Variants in TBC1D5 observed in about 807,000 individuals in gnomAD.
TBC1D5 encodes TBC1 domain family, member 5.
A neutral mutation model predicts 100.3 loss-of-function variants in TBC1D5; 75 were observed. The observed-to-expected ratio is 0.75, with a 90% CI of 0.62 to 0.91. The LOEUF (loss-of-function observed/expected upper bound fraction) is 0.91, where lower values mean the gene tolerates loss of function less well. Ranked by LOEUF, TBC1D5 falls within the 40% of genes least tolerant of loss-of-function variation. TBC1D5 has a pLI of 0.00. For missense variants in TBC1D5, 910 were observed against 942.4 expected (o/e 0.97, Z 0.45); for synonymous variants, 323 against 325.6 (o/e 0.99, Z 0.09).
chr3:17,401,511 G>A (rs764391331), intron 8 of TBC1D5, among the ~76,000 whole-genome samples: 3 of 151,880 alleles, frequency 2.0e-5, no homozygotes, highest in East Asian at 1.9e-4. Flanking sequence ...TTCGAACTAC[G>A]TAACTAAAAT....
At chr3:17,304,076 C>A (rs1401298868) in intron 14 of TBC1D5, among the ~76,000 whole-genome samples, 4 of 152,130 alleles carry the variant, frequency 2.6e-5, no homozygotes, top group African/African-American at 9.7e-5. Flanking sequence ...CACTTATGAA[C>A]TGGATTACTT....
intron 1 of TBC1D5, among the ~76,000 whole-genome samples, chr3:17,625,517 A>G (rs1182138501): frequency 1.3e-5 from 2 of 152,072 alleles, no homozygotes; most frequent in Non-Finnish European, 2.9e-5. Context: ...CCATCTCAAC[A>G]TCACTCTTCA....
chr3:17,693,645 T>C (rs1002706850), intron 1 of TBC1D5, among the ~76,000 whole-genome samples: 2 of 152,240 alleles, frequency 1.3e-5, no homozygotes, highest in African/African-American at 2.4e-5. Context: ...TCCACCTCCG[T>C]ACACAGGCCT....
rs771523676 is a variant in TBC1D5, at chr3:17,161,141, G to GGCT, written c.2207_2209dup (p.Gln736dup). 5 of 1,614,226 alleles carry GGCT rather than the reference G, an allele frequency of 3.1e-6. No individual in the cohort carries two copies. In the South Asian group the frequency reaches 5.5e-5, roughly 18 times the overall value. ...AGAGGTGCTTCTGAGGGTGCGAAGAGGCTGGGCCTGGCCGGAGAAGGAGCC... is the reference window on the plus strand; with the variant it reads ...AGAGGTGCTTCTGAGGGTGCGAAGAGGCTGCTGGGCCTGGCCGGAGAAGGAGCC... On this transcript the variant is annotated inframe_insertion, in exon 22 of 22. Coordinates refer to ENST00000253692, the Ensembl canonical transcript of TBC1D5.
chr3:17,617,040 C>T (rs1413282559), intron 2 of TBC1D5, among the ~76,000 whole-genome samples: 2 of 152,090 alleles, frequency 1.3e-5, no homozygotes, highest in East Asian at 3.8e-4. Flanking sequence ...TGTTTCTTTC[C>T]ATGTTTACTG....
chr3:17,388,685 C>CA (rs60539576), intron 8 of TBC1D5, among the ~76,000 whole-genome samples: 59,431 of 107,968 alleles, frequency 0.55, 15,157 homozygotes, highest in African/African-American at 0.72. Context: ...CCTGCCTTTA[C>CA]AAAAAAAAAA....
chr3:17,542,218 G>A (rs1016164662), intron 2 of TBC1D5, among the ~76,000 whole-genome samples: 1 of 152,142 alleles, frequency 6.6e-6, no homozygotes, highest in African/African-American at 2.4e-5. Context: ...TTGAGCCTGG[G>A]AGGCAGAGGT....
intron 3 of TBC1D5, among the ~76,000 whole-genome samples, chr3:17,474,624 T>C (rs771417713): frequency 1.3e-5 from 2 of 151,936 alleles, no homozygotes; most frequent in African/African-American, 2.4e-5. Context: ...ATTTAGACAG[T>C]TTCACATAAA....
intron 16 of TBC1D5, among the ~76,000 whole-genome samples, chr3:17,238,843 G>C (rs1237831531): frequency 6.6e-6 from 1 of 152,094 alleles, no homozygotes; most frequent in Non-Finnish European, 1.5e-5. Flanking sequence ...CACAGAAGGG[G>C]GCATCTATGA....
chr3:17,591,265 A>AAAAAAAAAAAAAC (rs2096769423), intron 2 of TBC1D5, among the ~76,000 whole-genome samples: 2 of 109,198 alleles, frequency 1.8e-5, no homozygotes, highest in Middle Eastern at 4.7e-3. Flanking sequence ...AAAAAAAAAA[A>AAAAAAAAAAAAAC]ACAAAAACCC....
At chr3:17,291,056 G>A (rs981145802) in intron 15 of TBC1D5, among the ~76,000 whole-genome samples, 1 of 152,204 alleles carries the variant, frequency 6.6e-6, no homozygotes, top group Non-Finnish European at 1.5e-5. Flanking sequence ...GGAACCCACA[G>A]ACAGACTGAC....
At chr3:17,299,368 A>T (rs1482786766) in intron 14 of TBC1D5, among the ~76,000 whole-genome samples, 2 of 152,146 alleles carry the variant, frequency 1.3e-5, no homozygotes, top group African/African-American at 4.8e-5. Context: ...AATATTTTTG[A>T]ATCTTGGTTG....
intron 2 of TBC1D5, among the ~76,000 whole-genome samples, chr3:17,549,653 A>C (rs2096454977): frequency 6.6e-6 from 1 of 152,116 alleles, no homozygotes; most frequent in African/African-American, 2.4e-5. Context: ...TGAATGGCGC[A>C]GGCGCTGTGG....
intron 18 of TBC1D5, among the ~76,000 whole-genome samples, chr3:17,201,386 T>G (rs1041181231): frequency 1.3e-5 from 2 of 152,196 alleles, no homozygotes; most frequent in African/African-American, 4.8e-5. Flanking sequence ...TTCCGGGTGC[T>G]TACTGCCAGC....
Position 17,255,419 on chromosome 3 carries a change from C to G in TBC1D5, c.1331+3087G>C, listed in dbSNP as rs556870767. ...GTTTCACCACGTTGGCCAGGATGGT[C>G]TCGATCTCCTGACTTCGTGATCTGC... On this transcript the variant is annotated intron_variant, in intron 16 of 21. Transcript: ENST00000253692. Among the ~76,000 whole-genome samples, 567 of 152,180 alleles carry G rather than the reference C, an allele frequency of 3.7e-3. 2 individuals are homozygous for G. The highest frequency in any genetic ancestry group is 6.0e-3 in the Non-Finnish European group (408 of 68,014).
chr3:17,540,532 C>G (rs969836502), intron 2 of TBC1D5, among the ~76,000 whole-genome samples: 1 of 152,044 alleles, frequency 6.6e-6, no homozygotes, highest in African/African-American at 2.4e-5. Context: ...TCATTTTTTA[C>G]ATGTGGCTAT....
intron 1 of TBC1D5, among the ~76,000 whole-genome samples, chr3:17,735,321 A>C (rs575852988): frequency 1.3e-5 from 2 of 152,244 alleles, no homozygotes; most frequent in Non-Finnish European, 2.9e-5. Context: ...GGGCCACTAA[A>C]AGTTACGTAG....
intron 1 of TBC1D5, among the ~76,000 whole-genome samples, chr3:17,681,020 A>G (rs550298430): frequency 2.0e-5 from 3 of 151,546 alleles, no homozygotes; most frequent in African/African-American, 4.9e-5. Context: ...CACAAAATGG[A>G]TGAGGCATGA....
chr3:17,598,240 T>A (rs1432055057), intron 2 of TBC1D5, among the ~76,000 whole-genome samples: 7 of 152,172 alleles, frequency 4.6e-5, no homozygotes, highest in Non-Finnish European at 1.0e-4. Context: ...TCATTTCCTG[T>A]GGTAGGCATA....
Sources: allele counts gnomAD v4.1 joint callset (sites outside exome capture counted in the v4.1 genomes callset), GRCh38; gene constraint gnomAD v4.1.1; transcripts MANE v1.5; gene names NCBI Gene and HGNC (gene_info 2026-07-23, HGNC 2026-07-21).